PLCL2: variants seen among roughly 807,000 people sequenced by gnomAD.
PLCL2 encodes the protein inactive phospholipase C-like protein 2.
PLCL2 carries 4 observed loss-of-function variants against 79.6 expected under a neutral mutation model. That is an observed-to-expected ratio of 0.05 (90% CI 0.02 to 0.11). PLCL2 has a LOEUF of 0.11. PLCL2 is among the 10% of genes least tolerant of loss of function. The pLI is 1.00. For missense variants in PLCL2, 895 were observed against 1,291.0 expected (o/e 0.69, Z 4.70); for synonymous variants, 484 against 457.7 (o/e 1.06, Z -0.73).
At chr3:17,087,870 A>C (rs894940023) in intron 5 of PLCL2, among the ~76,000 whole-genome samples, 8 of 151,992 alleles carry the variant, frequency 5.3e-5, no homozygotes, top group African/African-American at 1.9e-4. Context: ...AAGACTAGTT[A>C]GTCTATTAAA....
intron 3 of PLCL2, among the ~76,000 whole-genome samples, chr3:17,031,758 A>T (rs188935624): frequency 9.2e-5 from 14 of 152,160 alleles, no homozygotes; most frequent in African/African-American, 3.4e-4. Context: ...AAGTAAAAGG[A>T]TTATTATCAT....
At chr3:17,082,881 T>C (rs1356836078) in intron 5 of PLCL2, among the ~76,000 whole-genome samples, 1 of 152,136 alleles carries the variant, frequency 6.6e-6, no homozygotes, top group Non-Finnish European at 1.5e-5. Context: ...TTGTAATATA[T>C]ATATAATGCC....
rs1257019100 is a variant in PLCL2 at position 17,042,723 on chromosome 3, A to T, written c.3019-151A>T. The stretch of plus-strand genomic sequence containing the variant: ...GGATGTGTGATGTTATCATTTTCAC[A>T]TGCACATTTGAAGTTGAGTAGTGGA... On this transcript the variant is annotated intron_variant, in intron 3 of 5. Transcript: ENST00000615277. 3 of 619,420 alleles carry T rather than the reference A, an allele frequency of 4.8e-6. No homozygotes were observed. In the Admixed American group the frequency reaches 7.8e-5, roughly 16 times the overall value. 38.4% of individuals were successfully genotyped at this position (619,420 alleles called of 1,614,324 possible). A position where few individuals can be genotyped will look rare whatever the true frequency, so the allele number is the denominator to read the frequency against.
At chr3:16,974,603 C>A (rs2063905528) in intron 1 of PLCL2, among the ~76,000 whole-genome samples, 1 of 152,152 alleles carries the variant, frequency 6.6e-6, no homozygotes, top group African/African-American at 2.4e-5. Flanking sequence ...CCTTAACATA[C>A]AAGTAAGATG....
chr3:17,064,872 T>G (rs1244351127), intron 4 of PLCL2, among the ~76,000 whole-genome samples: 1 of 139,268 alleles, frequency 7.2e-6, no homozygotes, highest in African/African-American at 2.7e-5. Context: ...GAGGTTGCAG[T>G]GAGCCGAGAT....
At chr3:17,053,774 G>A (rs775474211) in intron 4 of PLCL2, among the ~76,000 whole-genome samples, 26 of 152,162 alleles carry the variant, frequency 1.7e-4, no homozygotes, top group Non-Finnish European at 2.8e-4. Flanking sequence ...GCAGTGTCCA[G>A]GGGCTGTACA....
chr3:17,004,131 C>T (rs542937287), intron 1 of PLCL2, among the ~76,000 whole-genome samples: 10 of 152,242 alleles, frequency 6.6e-5, no homozygotes, highest in East Asian at 1.9e-4. Flanking sequence ...TTTGAAATTC[C>T]GTTCCCTTGG....
intron 3 of PLCL2, among the ~76,000 whole-genome samples, chr3:17,018,349 T>G (rs1180151225): frequency 6.6e-6 from 1 of 152,148 alleles, no homozygotes; most frequent in African/African-American, 2.4e-5. Flanking sequence ...GGGGGCCTCA[T>G]GCAAATGGAG....
chr3:16,957,530 A>C (rs1378121022), intron 1 of PLCL2, among the ~76,000 whole-genome samples: 1 of 152,172 alleles, frequency 6.6e-6, no homozygotes, highest in Non-Finnish European at 1.5e-5. Context: ...ACAGTTCTGT[A>C]GATGTCTGTT....
chr3:16,891,576 C>T (rs567405468), intron 1 of PLCL2, among the ~76,000 whole-genome samples: 1 of 152,102 alleles, frequency 6.6e-6, no homozygotes, highest in East Asian at 1.9e-4. Flanking sequence ...TGTAAATAGC[C>T]CCAACTATGG....
At chr3:16,908,796 A>G (rs1696808295) in intron 1 of PLCL2, among the ~76,000 whole-genome samples, 1 of 152,240 alleles carries the variant, frequency 6.6e-6, no homozygotes, top group African/African-American at 2.4e-5. Context: ...GGGCTTAAAA[A>G]TAGCTTGTTT....
chr3:17,036,375 T>G (rs1044889107), intron 3 of PLCL2, among the ~76,000 whole-genome samples: 1 of 152,230 alleles, frequency 6.6e-6, no homozygotes, highest in South Asian at 2.1e-4. Flanking sequence ...CCTCTTCCAT[T>G]AGTTCAACTT....
chr3:16,962,756 G>A (rs773870924), intron 1 of PLCL2, among the ~76,000 whole-genome samples: 20 of 151,966 alleles, frequency 1.3e-4, no homozygotes, highest in Non-Finnish European at 2.6e-4. Flanking sequence ...AAAAATTAAC[G>A]AATAAAAGAT....
chr3:16,988,028 C>G (rs897424454), intron 1 of PLCL2, among the ~76,000 whole-genome samples: 2 of 152,168 alleles, frequency 1.3e-5, no homozygotes, highest in Admixed American at 6.5e-5. Flanking sequence ...TCATTAGTAA[C>G]CAGAGAACCA....
intron 1 of PLCL2, among the ~76,000 whole-genome samples, chr3:16,925,862 T>G (rs182703663): frequency 6.6e-6 from 1 of 152,238 alleles, no homozygotes; most frequent in Non-Finnish European, 1.5e-5. Context: ...TGTGGATGTA[T>G]ATTTTAATTT....
intron 5 of PLCL2, among the ~76,000 whole-genome samples, chr3:17,074,069 T>G (rs1207394900): frequency 6.6e-6 from 1 of 152,236 alleles, no homozygotes; most frequent in African/African-American, 2.4e-5. Context: ...CCAGAAGGTC[T>G]TCAATTTACT....
At chr3:16,995,515 GCTT>G (rs2064145211) in intron 1 of PLCL2, among the ~76,000 whole-genome samples, 1 of 152,170 alleles carries the variant, frequency 6.6e-6, no homozygotes, top group South Asian at 2.1e-4. Context: ...AGGCTTGTGA[GCTT>G]CTTCCAACAT....
Position 17,003,338 on chromosome 3 carries a change from T to G in PLCL2, c.328-6336T>G, listed in dbSNP as rs77525852. ...TGGGATTTGTGTTGCCATTGTTACC[T>G]TCAATGTACCACTGGCTTCAAATTT... is the stretch of plus-strand genomic sequence containing the variant. On this transcript the variant is annotated intron_variant, in intron 1 of 5. Coordinates refer to ENST00000615277, the MANE Select transcript of PLCL2 (RefSeq NM_001144382.2). Among the ~76,000 whole-genome samples the G allele has an allele frequency of 5.9e-3, 899 of 152,314 alleles. 11 individuals are homozygous for G. Among genetic ancestry groups the G allele is most frequent in the African/African-American group, 0.021 (853 of 41,568 alleles).
At chr3:16,931,031 G>A (rs1409799057) in intron 1 of PLCL2, among the ~76,000 whole-genome samples, 1 of 151,916 alleles carries the variant, frequency 6.6e-6, no homozygotes, top group Non-Finnish European at 1.5e-5. Flanking sequence ...CTTCTGCTTG[G>A]AAGATAATGC....
Sources: allele counts gnomAD v4.1 joint callset (sites outside exome capture counted in the v4.1 genomes callset), GRCh38; gene constraint gnomAD v4.1.1; transcripts MANE v1.5; gene names NCBI Gene and HGNC (gene_info 2026-07-23, HGNC 2026-07-21).